The following CHODL variants were observed in gnomAD, a reference collection of about 807,000 sequenced individuals.
The protein encoded by CHODL is transmembrane protein MT75.
A neutral mutation model predicts 34.5 loss-of-function variants in CHODL; 29 were observed. The ratio of observed to expected loss-of-function variants is 0.84; its 90% CI spans 0.63 to 1.15. The LOEUF is 1.15. Ranked by LOEUF, CHODL falls within the 50% of genes most tolerant of loss-of-function variation. The pLI, the probability that CHODL is intolerant of heterozygous loss-of-function variation, is 0.00. For missense variants in CHODL, 332 were observed against 332.5 expected (o/e 1.00, Z 0.01); for synonymous variants, 125 against 116.1 (o/e 1.08, Z -0.49).
In CHODL at chr21:18,065,551, G is replaced by A. The variant is rs143040445; in HGVS notation, c.-45+37580G>A. Among the ~76,000 whole-genome samples, 146 of 152,232 alleles carry A rather than the reference G, an allele frequency of 9.6e-4. 1 individual carries two copies. Among genetic ancestry groups the A allele is most frequent in the African/African-American group, 3.4e-3 (140 of 41,556 alleles). Reference sequence around the variant, plus strand: ...AGTACAGTATTATTTAATAAGAAGGGAAGGATTTTACCCAAAACATTACAA... The same window carrying A: ...AGTACAGTATTATTTAATAAGAAGGAAAGGATTTTACCCAAAACATTACAA... On this transcript the variant is annotated intron_variant, in intron 2 of 6. Coordinates refer to the CHODL transcript ENST00000400127.
At chr21:18,032,803 A>G (rs113986445) in intron 2 of CHODL, among the ~76,000 whole-genome samples, 368 of 152,106 alleles carry the variant, frequency 2.4e-3, no homozygotes, top group African/African-American at 8.0e-3. Flanking sequence ...GTTTCACTCT[A>G]TTGTTCACCT....
At chr21:17,940,211 C>A (rs2063351695) in intron 1 of CHODL, among the ~76,000 whole-genome samples, 1 of 152,192 alleles carries the variant, frequency 6.6e-6, no homozygotes, top group Non-Finnish European at 1.5e-5. Context: ...CCAACTGCAG[C>A]TCATATCTAT....
chr21:18,087,664 C>T (rs920004663), intron 2 of CHODL, among the ~76,000 whole-genome samples: 3 of 152,058 alleles, frequency 2.0e-5, no homozygotes, highest in African/African-American at 7.2e-5. Context: ...CAAAATGACA[C>T]CTCGAGGGGC....
intron 1 of CHODL, among the ~76,000 whole-genome samples, chr21:18,023,293 G>T (rs924400869): frequency 4.6e-5 from 7 of 152,072 alleles, no homozygotes; most frequent in Admixed American, 1.3e-4. Flanking sequence ...GTGGTGTGGG[G>T]GCTTAGCTGC....
rs1316455061 is a variant in CHODL at position 17,963,611 on chromosome 21, C to T, written c.-145+46211C>T. 2.6e-5 allele frequency among the ~76,000 whole-genome samples: 4 copies of T among 152,082 alleles called. No homozygotes were observed. In the South Asian group the frequency reaches 8.3e-4, roughly 32 times the overall value. On this transcript the variant is annotated intron_variant, in intron 1 of 6. Transcript: ENST00000400127. The stretch of plus-strand genomic sequence containing the variant: ...ACTGTGCCCATGATTAAATTACCTC[C>T]CACTGGGTCCCTCCCATGACATGTA...
intron 2 of CHODL, among the ~76,000 whole-genome samples, chr21:18,235,575 A>G (rs911282734): frequency 6.6e-6 from 1 of 152,078 alleles, no homozygotes; most frequent in African/African-American, 2.4e-5. Context: ...TTTTGTTATA[A>G]AAGAGTTAAG....
intron 2 of CHODL, among the ~76,000 whole-genome samples, chr21:18,041,920 G>C (rs141896136): frequency 4.6e-5 from 7 of 151,880 alleles, no homozygotes; most frequent in Non-Finnish European, 8.8e-5. Flanking sequence ...ATATGAGAAA[G>C]CGTTTGTAGT....
At chr21:18,112,578 T>C (rs188827802) in intron 2 of CHODL, among the ~76,000 whole-genome samples, 4 of 152,132 alleles carry the variant, frequency 2.6e-5, no homozygotes, top group Admixed American at 2.6e-4. Flanking sequence ...CATAGACCAA[T>C]GGAACAGAAT....
At chr21:18,008,419 A>C (rs866548584) in intron 1 of CHODL, among the ~76,000 whole-genome samples, 1 of 152,084 alleles carries the variant, frequency 6.6e-6, no homozygotes, top group Admixed American at 6.6e-5. Context: ...TATACAGTAG[A>C]TCTCTAGAAC....
intron 2 of CHODL, among the ~76,000 whole-genome samples, chr21:18,120,270 G>T (rs1278321974): frequency 6.6e-6 from 1 of 152,094 alleles, no homozygotes; most frequent in Non-Finnish European, 1.5e-5. Context: ...ATGTTATAAT[G>T]GTGTATGCAT....
At chr21:17,991,662 T>A (rs1271477363) in intron 1 of CHODL, among the ~76,000 whole-genome samples, 6 of 149,368 alleles carry the variant, frequency 4.0e-5, no homozygotes, top group Non-Finnish European at 9.0e-5. Context: ...TATTTGATTT[T>A]TTTTTTTTTT....
intron 2 of CHODL, among the ~76,000 whole-genome samples, chr21:18,135,063 C>T (rs1182770108): frequency 6.6e-6 from 1 of 152,180 alleles, no homozygotes; most frequent in Non-Finnish European, 1.5e-5. Flanking sequence ...CTCACTTGAG[C>T]CATGTTTGCA....
chr21:17,969,264 T>C (rs2063596018), intron 1 of CHODL, among the ~76,000 whole-genome samples: 1 of 152,238 alleles, frequency 6.6e-6, no homozygotes, highest in Non-Finnish European at 1.5e-5. Context: ...CATTTTATGT[T>C]CATATAGAAA....
Position 17,945,054 on chromosome 21 carries a change from C to CAA in CHODL, c.-145+27661_-145+27662dup, listed in dbSNP as rs34045487. ...TGAAACCCCGTCTCTACTAAAAATA[C>CAA]AAAAAAAATTAGCCGGGCATGGTGG... On this transcript the variant is annotated intron_variant, in intron 1 of 6. Coordinates refer to the CHODL transcript ENST00000400127. Among the ~76,000 whole-genome samples, 12 of 150,944 alleles carry CAA rather than the reference C, an allele frequency of 7.9e-5. 1 individual carries two copies. The highest frequency in any genetic ancestry group is 4.2e-4 in the South Asian group (2 of 4,780).
chr21:18,222,728 T>A (rs773360309), intron 2 of CHODL, among the ~76,000 whole-genome samples: 6 of 152,202 alleles, frequency 3.9e-5, no homozygotes, highest in Non-Finnish European at 5.9e-5. Flanking sequence ...CCCTGCTGGA[T>A]TCTAGAATTT....
At chr21:18,067,151 A>G (rs926588202) in intron 2 of CHODL, among the ~76,000 whole-genome samples, 10 of 152,182 alleles carry the variant, frequency 6.6e-5, no homozygotes, top group African/African-American at 1.7e-4. Flanking sequence ...CAACACTTTT[A>G]AGCAGTATAG....
chr21:18,141,595 C>T (rs1427251864), intron 2 of CHODL, among the ~76,000 whole-genome samples: 2 of 151,858 alleles, frequency 1.3e-5, no homozygotes, highest in East Asian at 1.9e-4. Context: ...GCATGCTATA[C>T]ACATGACACT....
chr21:18,033,468 T>C (rs553723122), intron 2 of CHODL, among the ~76,000 whole-genome samples: 95 of 152,174 alleles, frequency 6.2e-4, no homozygotes, highest in African/African-American at 2.2e-3. Flanking sequence ...TCCCATAGCA[T>C]CCTGCCACAA....
At chr21:18,036,346 C>A (rs2064310535) in intron 2 of CHODL, among the ~76,000 whole-genome samples, 1 of 152,018 alleles carries the variant, frequency 6.6e-6, no homozygotes, top group Non-Finnish European at 1.5e-5. Flanking sequence ...CACACACATG[C>A]AAAGATTAAC....
Sources: gnomAD v4.1 joint callset for allele counts (sites outside exome capture counted in the v4.1 genomes callset) on GRCh38, gnomAD v4.1.1 for gene constraint, MANE v1.5 for transcripts, NCBI Gene and HGNC (gene_info 2026-07-23, HGNC 2026-07-21) for gene names.